The following ST6GAL1 variants were observed in gnomAD, a reference collection of about 807,000 sequenced individuals.
ST6GAL1 encodes the protein ST6 beta-galactoside alpha-2,6-sialyltransferase 1.
ST6GAL1 carries 20 observed loss-of-function variants against 38.0 expected under a neutral mutation model. The ratio of observed to expected loss-of-function variants is 0.53; its 90% confidence interval spans 0.37 to 0.77. The LOEUF (loss-of-function observed/expected upper bound fraction) is 0.77, where lower values mean the gene tolerates loss of function less well. Ranked by LOEUF, ST6GAL1 falls within the 30% of genes least tolerant of loss-of-function variation. ST6GAL1 has a pLI of 0.00. For synonymous variants in ST6GAL1, 196 were observed against 188.2 expected, an observed-to-expected ratio of 1.04 and a Z score of -0.34; for missense variants, 432 against 496.4, an observed-to-expected ratio of 0.87 and a Z score of 1.23.
At chr3:186,993,859 C>T (rs1423879029) in intron 2 of ST6GAL1, among the ~76,000 whole-genome samples, 1 of 152,056 alleles carries the variant, frequency 6.6e-6, no homozygotes, top group Non-Finnish European at 1.5e-5. Context: ...AAACCTAGCA[C>T]ATTACGTTAT....
At chr3:186,993,876 G>A (rs549873505) in intron 2 of ST6GAL1, among the ~76,000 whole-genome samples, 5 of 152,108 alleles carry the variant, frequency 3.3e-5, no homozygotes, top group African/African-American at 7.2e-5. Flanking sequence ...TTATGTAAGC[G>A]ATACTTATAA....
chr3:186,974,730 G>GA (rs927331668), intron 2 of ST6GAL1, among the ~76,000 whole-genome samples: 8 of 151,530 alleles, frequency 5.3e-5, no homozygotes, highest in African/African-American at 1.9e-4. Flanking sequence ...CCTGGTTGGG[G>GA]GGGGGGCGCC....
chr3:187,022,058 C>G (rs1717327616), intron 2 of ST6GAL1: 1 of 152,328 alleles, frequency 6.6e-6, no homozygotes, highest in African/African-American at 2.4e-5. Context: ...ATTAATTGAA[C>G]CCACGGAGAG....
At chr3:187,001,532 C>A (rs1716614802) in intron 2 of ST6GAL1, among the ~76,000 whole-genome samples, 4 of 152,176 alleles carry the variant, frequency 2.6e-5, no homozygotes, top group Admixed American at 2.6e-4. Context: ...AATGGCTGAC[C>A]TTTCTGGACT....
At chr3:187,044,579 G>A (rs548053211) in intron 4 of ST6GAL1, among the ~76,000 whole-genome samples, 33 of 152,288 alleles carry the variant, frequency 2.2e-4, no homozygotes, top group African/African-American at 7.7e-4. Context: ...ATTGGTTTTT[G>A]TTCATCCATA....
intron 2 of ST6GAL1, among the ~76,000 whole-genome samples, chr3:186,985,716 A>C (rs1715893296): frequency 6.6e-6 from 1 of 150,844 alleles, no homozygotes; most frequent in African/African-American, 2.4e-5. Context: ...TGGACGTTGC[A>C]GTGAGCCGAG....
At chr3:187,062,605 C>CACACACACACACAA (rs1553835868) in intron 5 of ST6GAL1, among the ~76,000 whole-genome samples, 2 of 149,990 alleles carry the variant, frequency 1.3e-5, no homozygotes, top group African/African-American at 2.5e-5. Flanking sequence ...CACACACACA[C>CACACACACACACAA]AAAATACTAT....
At chr3:187,054,566 T>C (rs2108589295) in intron 5 of ST6GAL1, among the ~76,000 whole-genome samples, 1 of 152,332 alleles carries the variant, frequency 6.6e-6, no homozygotes, top group Middle Eastern at 3.4e-3. Context: ...TCATGTGGTT[T>C]TTGTCATTGT....
intron 2 of ST6GAL1, among the ~76,000 whole-genome samples, chr3:186,976,999 C>A (rs1242219725): frequency 6.6e-6 from 1 of 152,200 alleles, no homozygotes; most frequent in Non-Finnish European, 1.5e-5. Context: ...GGCTTGCTTG[C>A]CAGAGGAGAT....
intron 5 of ST6GAL1, among the ~76,000 whole-genome samples, chr3:187,056,612 G>A (rs1036332504): frequency 6.6e-6 from 1 of 152,204 alleles, no homozygotes; most frequent in Non-Finnish European, 1.5e-5. Context: ...TTTTCTTTAA[G>A]AAAGTTGAAT....
chr3:187,063,892 G>A (rs1270491972), intron 5 of ST6GAL1, among the ~76,000 whole-genome samples: 1 of 152,168 alleles, frequency 6.6e-6, no homozygotes, highest in Non-Finnish European at 1.5e-5. Flanking sequence ...ACAGAAATAT[G>A]AATAGTTACT....
intron 1 of ST6GAL1, among the ~76,000 whole-genome samples, chr3:186,955,186 C>T (rs1346368417): frequency 6.6e-6 from 1 of 152,144 alleles, no homozygotes; most frequent in Non-Finnish European, 1.5e-5. Context: ...TCCCATTGGT[C>T]TGTGTGTCTG....
At chr3:187,039,553 C>G in intron 3 of ST6GAL1, among the ~76,000 whole-genome samples, 1 of 152,174 alleles carries the variant, frequency 6.6e-6, no homozygotes, top group East Asian at 1.9e-4. Context: ...GCTGTCAGAG[C>G]TGGCAGGCAC....
rs185342016 is a variant in ST6GAL1, at chr3:187,065,062, G to T, written c.706-7787G>T. Reference sequence around the variant, plus strand: ...CTTGCGCTCAGGCTGGAGTGCAGTGGTGCACTCTCGGCTCCCTGCTCTGCC... The same window carrying T: ...CTTGCGCTCAGGCTGGAGTGCAGTGTTGCACTCTCGGCTCCCTGCTCTGCC... On this transcript the variant is annotated intron_variant, in intron 5 of 7. Coordinates refer to ENST00000169298, the MANE Select transcript of ST6GAL1 (RefSeq NM_173216.2). 2.7e-5 allele frequency among the ~76,000 whole-genome samples: 4 copies of T among 150,862 alleles called. No individual in the cohort carries two copies. The South Asian group carries it at 8.4e-4, about 32-fold the overall frequency.
chr3:186,968,408 C>T (rs1372089316), intron 2 of ST6GAL1, among the ~76,000 whole-genome samples: 1 of 152,144 alleles, frequency 6.6e-6, no homozygotes, highest in African/African-American at 2.4e-5. Flanking sequence ...TTAAATTGTA[C>T]AACTTGGTGA....
At chr3:186,948,275 G>T (rs1393020575) in intron 1 of ST6GAL1, among the ~76,000 whole-genome samples, 1 of 152,234 alleles carries the variant, frequency 6.6e-6, no homozygotes, top group Non-Finnish European at 1.5e-5. Context: ...CTGAAAGAGG[G>T]ACCAGGAAGG....
At chr3:186,933,258 T>A (rs1713824586) in intron 1 of ST6GAL1, among the ~76,000 whole-genome samples, 1 of 152,242 alleles carries the variant, frequency 6.6e-6, no homozygotes, top group Non-Finnish European at 1.5e-5. Context: ...CTCCCTATTC[T>A]GAGTCCATAA....
chr3:187,071,676 C>T (rs1272966804), intron 5 of ST6GAL1, among the ~76,000 whole-genome samples: 2 of 149,800 alleles, frequency 1.3e-5, no homozygotes, highest in African/African-American at 2.5e-5. Context: ...AGGAGAATGG[C>T]GTGAACCCGG....
At chr3:187,033,296 C>G (rs190964648) in intron 2 of ST6GAL1, among the ~76,000 whole-genome samples, 33 of 152,236 alleles carry the variant, frequency 2.2e-4, no homozygotes, top group Non-Finnish European at 4.1e-4. Flanking sequence ...CCTATATTAC[C>G]CAGCTACTGG....
Sources: allele counts gnomAD v4.1 joint callset (sites outside exome capture counted in the v4.1 genomes callset), GRCh38; gene constraint gnomAD v4.1.1; transcripts MANE v1.5; gene names NCBI Gene and HGNC (gene_info 2026-07-23, HGNC 2026-07-21).